The following FAM193A variants were observed in gnomAD, a reference collection of about 807,000 sequenced individuals.
FAM193A encodes the protein family with sequence similarity 193 member A, also known as protein FAM193A.
In FAM193A, 22 loss-of-function variants were observed where a neutral mutation model predicts 126.5. The observed-to-expected ratio is 0.17, with a 90% CI of 0.12 to 0.25. The LOEUF (loss-of-function observed/expected upper bound fraction) is 0.25, where lower values mean the gene tolerates loss of function less well. Ranked by LOEUF, FAM193A falls within the 10% of genes least tolerant of loss-of-function variation. The pLI, the probability that FAM193A is intolerant of heterozygous loss-of-function variation, is 1.00. For missense variants in FAM193A, 1,675 were observed against 1,672.8 expected (o/e 1.00, Z -0.02); for synonymous variants, 761 against 646.8 (o/e 1.18, Z -2.68).
At chr4:2,718,817 G>A (rs1055891075) in intron 20 of FAM193A, among the ~76,000 whole-genome samples, 2 of 151,968 alleles carry the variant, frequency 1.3e-5, no homozygotes, top group Non-Finnish European at 2.9e-5. Flanking sequence ...AGAACACTGG[G>A]AACAACTTCA....
intron 1 of FAM193A, among the ~76,000 whole-genome samples, chr4:2,594,993 T>A (rs1018329364): frequency 3.3e-5 from 5 of 151,648 alleles, no homozygotes; most frequent in African/African-American, 1.2e-4. Context: ...CACGCCCAGC[T>A]AATTTTGTGT....
intron 2 of FAM193A, among the ~76,000 whole-genome samples, chr4:2,612,046 C>T (rs186136995): frequency 1.3e-5 from 2 of 151,504 alleles, no homozygotes; most frequent in Admixed American, 6.6e-5. Context: ...CCGTGTTAGC[C>T]AGGATGGTCT....
Position 2,662,919 on chromosome 4 carries a change from G to C in FAM193A, c.1827G>C (p.Glu609Asp). ...IYPLSNYDDT[E>D]VVANMNGIHS... ...CATTGAGTAATTATGATGATACCGAGGTGGTGGCCAACATGAATGGAATCC... is the reference window on the plus strand; with the variant it reads ...CATTGAGTAATTATGATGATACCGACGTGGTGGCCAACATGAATGGAATCC... The change falls in exon 11 of 21, where the codon GAG (glutamate) becomes GAC (aspartate). Residue 609 changes from glutamate (E) to aspartate (D), a missense_variant. By Grantham distance (45) the Glu-to-Asp change is conservative. Coordinates refer to ENST00000637812, the MANE Select transcript of FAM193A (RefSeq NM_001366318.2). The C allele has an allele frequency of 6.2e-7, 1 of 1,613,816 alleles. No individual in the cohort carries two copies.
intron 1 of FAM193A, among the ~76,000 whole-genome samples, chr4:2,546,826 G>A (rs1001634504): frequency 1.3e-5 from 2 of 152,154 alleles, no homozygotes; most frequent in Admixed American, 6.6e-5. Flanking sequence ...ATGTGAAACC[G>A]CTGAACTGTT....
intron 2 of FAM193A, among the ~76,000 whole-genome samples, chr4:2,612,659 T>G (rs1741947756): frequency 6.6e-6 from 1 of 152,218 alleles, no homozygotes; most frequent in Admixed American, 6.5e-5. Flanking sequence ...ATCCAGTTGT[T>G]CAGAACTATT....
chr4:2,697,471 C>T (rs1398879470), intron 18 of FAM193A, among the ~76,000 whole-genome samples: 2 of 152,182 alleles, frequency 1.3e-5, no homozygotes, highest in African/African-American at 2.4e-5. Context: ...AGAACCAGAC[C>T]TCAGTGAGCA....
chr4:2,651,451 G>T (rs775066984), intron 7 of FAM193A, among the ~76,000 whole-genome samples: 1 of 152,298 alleles, frequency 6.6e-6, no homozygotes, highest in Non-Finnish European at 1.5e-5. Context: ...TAATCATGGC[G>T]GAAGGAGAAG....
At chr4:2,577,486 T>G (rs1739676287) in intron 1 of FAM193A, among the ~76,000 whole-genome samples, 1 of 144,160 alleles carries the variant, frequency 6.9e-6, no homozygotes, top group Non-Finnish European at 1.5e-5. Context: ...TGGCACGATC[T>G]CAGCTCACTG....
At chr4:2,647,219 C>A (rs569008199) in intron 7 of FAM193A, among the ~76,000 whole-genome samples, 58 of 152,184 alleles carry the variant, frequency 3.8e-4, no homozygotes, top group African/African-American at 1.4e-3. Flanking sequence ...GATCTGGGCT[C>A]ACCCCAACCT....
intron 1 of FAM193A, among the ~76,000 whole-genome samples, chr4:2,565,849 G>A (rs1303273154): frequency 6.6e-6 from 1 of 152,130 alleles, no homozygotes; most frequent in Non-Finnish European, 1.5e-5. Flanking sequence ...TTTTGGCAAA[G>A]GTAAAAGCAT....
intron 7 of FAM193A, among the ~76,000 whole-genome samples, chr4:2,648,905 G>A (rs1358619827): frequency 1.3e-5 from 2 of 152,214 alleles, no homozygotes; most frequent in Non-Finnish European, 2.9e-5. Flanking sequence ...TCCCTGGGAT[G>A]TTCTTGACTT....
intron 8 of FAM193A, 73 bp from the exon 9 acceptor site, chr4:2,659,485 A>G: frequency 9.7e-7 from 1 of 1,028,640 alleles, no homozygotes; most frequent in South Asian, 1.4e-5. Context: ...TGTCAGCAGA[A>G]TTACTGAAAA....
intron 1 of FAM193A, among the ~76,000 whole-genome samples, chr4:2,559,469 C>T (rs1393442096): frequency 2.0e-5 from 3 of 152,154 alleles, no homozygotes; most frequent in African/African-American, 7.2e-5. Flanking sequence ...CTTGCTCTGT[C>T]ACCCAGTCTG....
intron 1 of FAM193A, among the ~76,000 whole-genome samples, chr4:2,592,103 T>G (rs1001802991): frequency 2.0e-5 from 3 of 152,220 alleles, no homozygotes; most frequent in Non-Finnish European, 4.4e-5. Context: ...TATAATTTTT[T>G]TTTTTGAGAT....
intron 19 of FAM193A, among the ~76,000 whole-genome samples, chr4:2,704,947 T>C: frequency 6.6e-6 from 1 of 151,648 alleles, no homozygotes; most frequent in East Asian, 1.9e-4. Context: ...AATCTTGCTC[T>C]GTCGCCCAGG....
intron 13 of FAM193A, among the ~76,000 whole-genome samples, chr4:2,676,953 A>T (rs546394570): frequency 1.2e-3 from 176 of 151,980 alleles, no homozygotes; most frequent in Admixed American, 2.0e-3. Context: ...AAAAAAAAAA[A>T]TTTTCATGCA....
At chr4:2,727,653 T>C (rs1040659799) in intron 20 of FAM193A, among the ~76,000 whole-genome samples, 1 of 152,224 alleles carries the variant, frequency 6.6e-6, no homozygotes, top group Non-Finnish European at 1.5e-5. Context: ...AAAATATTGC[T>C]CTCTCAAATA....
intron 1 of FAM193A, among the ~76,000 whole-genome samples, chr4:2,539,580 C>T (rs1214698066): frequency 6.6e-6 from 1 of 151,972 alleles, no homozygotes; most frequent in Admixed American, 6.6e-5. Flanking sequence ...CTAATTTGTT[C>T]TTTTAATATA....
At chr4:2,723,426 T>C (rs773611964) in intron 20 of FAM193A, among the ~76,000 whole-genome samples, 11 of 151,632 alleles carry the variant, frequency 7.3e-5, no homozygotes, top group Non-Finnish European at 1.2e-4. Context: ...AATACAAAAA[T>C]TAGCAAGATG....
Sources: gnomAD v4.1 joint callset for allele counts (sites outside exome capture counted in the v4.1 genomes callset) on GRCh38, gnomAD v4.1.1 for gene constraint, MANE v1.5 for transcripts, NCBI Gene and HGNC (gene_info 2026-07-23, HGNC 2026-07-21) for gene names.